Variants in MAPK10 observed in about 807,000 individuals in gnomAD.
MAPK10 encodes mitogen-activated protein kinase 10.
In MAPK10, 25 loss-of-function variants were observed where a neutral mutation model predicts 59.3. That is an observed-to-expected ratio of 0.42 (90% CI 0.31 to 0.59). The LOEUF (loss-of-function observed/expected upper bound fraction) is 0.59, where lower values mean the gene tolerates loss of function less well. MAPK10 is among the 20% of genes least tolerant of loss of function. MAPK10 has a pLI of 0.15. For missense variants in MAPK10, 351 were observed against 568.9 expected, an observed-to-expected ratio of 0.62 and a Z score of 3.90; for synonymous variants, 190 against 200.5, an observed-to-expected ratio of 0.95 and a Z score of 0.44.
At chr4:86,230,907 T>A (rs1326141465) in intron 2 of MAPK10, among the ~76,000 whole-genome samples, 2 of 152,172 alleles carry the variant, frequency 1.3e-5, no homozygotes, top group Non-Finnish European at 2.9e-5. Flanking sequence ...TCTGCTTAGA[T>A]AGGAGGGGCA....
intron 4 of MAPK10, among the ~76,000 whole-genome samples, chr4:86,142,763 A>T (rs1298944927): frequency 6.6e-6 from 1 of 152,166 alleles, no homozygotes; most frequent in Non-Finnish European, 1.5e-5. Context: ...CAGAAATGGA[A>T]GATTTGCTAT....
intron 5 of MAPK10, 25 bp downstream of exon 5, chr4:86,107,198 G>A (rs201211083): frequency 1.2e-5 from 19 of 1,593,494 alleles, no homozygotes; most frequent in Non-Finnish European, 1.6e-5. Flanking sequence ...CCCACTGCCA[G>A]AAGTTTAAAA....
intron 11 of MAPK10, among the ~76,000 whole-genome samples, chr4:86,055,081 C>A (rs1246492724): frequency 6.6e-6 from 1 of 152,176 alleles, no homozygotes; most frequent in Non-Finnish European, 1.5e-5. Flanking sequence ...TGTTTTTCTA[C>A]TTCCAGGAAA....
intron 1 of MAPK10, among the ~76,000 whole-genome samples, chr4:86,414,572 A>G (rs1745620925): frequency 1.3e-5 from 2 of 152,212 alleles, no homozygotes; most frequent in Admixed American, 1.3e-4. Context: ...GACTTCATAT[A>G]TTGATCAAAT....
At chr4:86,233,820 G>T (rs2091911313) in intron 2 of MAPK10, among the ~76,000 whole-genome samples, 1 of 152,162 alleles carries the variant, frequency 6.6e-6, no homozygotes, top group Non-Finnish European at 1.5e-5. Flanking sequence ...CAATCTTTGT[G>T]GTAGTCATTA....
At chr4:86,208,631 T>C (rs2084871971) in intron 2 of MAPK10, among the ~76,000 whole-genome samples, 1 of 151,872 alleles carries the variant, frequency 6.6e-6, no homozygotes, top group Admixed American at 6.6e-5. Context: ...ACAGCCAATA[T>C]CATACTGAAT....
chr4:86,222,493 G>C (rs1334555096), intron 2 of MAPK10, among the ~76,000 whole-genome samples: 3 of 152,146 alleles, frequency 2.0e-5, no homozygotes, highest in Non-Finnish European at 2.9e-5. Context: ...TTAACTTGGG[G>C]CATCGCCTTA....
intron 2 of MAPK10, among the ~76,000 whole-genome samples, chr4:86,264,976 C>T (rs747601990): frequency 6.7e-5 from 10 of 148,330 alleles, no homozygotes; most frequent in Non-Finnish European, 1.5e-4. Flanking sequence ...ACTGCAACCT[C>T]CGCCTCCCGG....
At chr4:86,180,169 A>G (rs566766779) in intron 3 of MAPK10, among the ~76,000 whole-genome samples, 2 of 152,244 alleles carry the variant, frequency 1.3e-5, no homozygotes, top group Non-Finnish European at 2.9e-5. Flanking sequence ...AAATAAACAA[A>G]TGATCTGAAC....
chr4:86,084,578 A>G (rs1194828829), intron 9 of MAPK10, among the ~76,000 whole-genome samples: 1 of 152,194 alleles, frequency 6.6e-6, no homozygotes, highest in Non-Finnish European at 1.5e-5. Context: ...AAAACTATAA[A>G]ACACTGATAA....
At chr4:86,018,679 C>A (rs1744662583) in intron 13 of MAPK10, among the ~76,000 whole-genome samples, 1 of 152,290 alleles carries the variant, frequency 6.6e-6, no homozygotes, top group African/African-American at 2.4e-5. Context: ...TTTGTATATT[C>A]TTTATACCTA....
At chr4:86,153,574 CAT>C (rs1415319770) in intron 4 of MAPK10, among the ~76,000 whole-genome samples, 1 of 152,124 alleles carries the variant, frequency 6.6e-6, no homozygotes, top group Non-Finnish European at 1.5e-5. Flanking sequence ...ATGGTTGACA[CAT>C]AGAAATGTGG....
intron 2 of MAPK10, among the ~76,000 whole-genome samples, chr4:86,265,423 C>T (rs758482360): frequency 6.6e-6 from 1 of 151,410 alleles, no homozygotes; most frequent in South Asian, 2.1e-4. Flanking sequence ...GCAGGAAAAT[C>T]GCTTAAACCT....
At chr4:86,035,494 T>C (rs1048520554) in intron 11 of MAPK10, among the ~76,000 whole-genome samples, 9 of 147,504 alleles carry the variant, frequency 6.1e-5, no homozygotes, top group Non-Finnish European at 1.2e-4. Context: ...TGAAGAAAGA[T>C]GTAACTGTAA....
intron 13 of MAPK10, chr4:86,027,168 GACTT>G (rs1258107101): frequency 6.6e-6 from 1 of 152,072 alleles, no homozygotes; most frequent in East Asian, 1.9e-4. Flanking sequence ...CATACTACAT[GACTT>G]ATAACTAAGT....
chr4:86,316,435 A>G (rs543307603), intron 2 of MAPK10, among the ~76,000 whole-genome samples: 1 of 152,330 alleles, frequency 6.6e-6, no homozygotes, highest in East Asian at 1.9e-4. Flanking sequence ...AATAATATCT[A>G]TGTACAAATT....
rs540008527 is a variant in MAPK10 at position 86,489,012 on chromosome 4, C to T, written c.-263+104898G>A. Among the ~76,000 whole-genome samples, 60 of 152,248 alleles carry T rather than the reference C, an allele frequency of 3.9e-4. 1 individual carries two copies. In the South Asian group the frequency reaches 0.012, roughly 32 times the overall value. ...CTTGCTGCACCTGGAAACTTGAAAC[C>T]AGCACTTTTCAGTCCAGTGTTAATG... On this transcript the variant is annotated intron_variant, in intron 1 of 4. Transcript: ENST00000502302.
At position 86,511,670 on chromosome 4, in the gene MAPK10, GGAA is replaced by G. The variant is rs887300627; in HGVS notation, c.-263+82237_-263+82239del. 3.0e-4 allele frequency among the ~76,000 whole-genome samples: 45 copies of G among 148,620 alleles called. 1 individual carries two copies. The highest frequency in any genetic ancestry group is 8.9e-5 in the Non-Finnish European group (6 of 67,296). On this transcript the variant is annotated intron_variant, in intron 1 of 4. Transcript: ENST00000502302. ...TACAGAAGGAGGAGGAGGAGGAAGA[GGAA>G]GAAGAAGAAGAACAGGAAGAAGAAG... is the stretch of plus-strand genomic sequence containing the variant.
intron 1 of MAPK10, among the ~76,000 whole-genome samples, chr4:86,452,122 T>G (rs143542561): frequency 9.2e-5 from 14 of 152,094 alleles, no homozygotes; most frequent in African/African-American, 3.4e-4. Context: ...GGCTCCAGAG[T>G]CTGCACACTC....
Sources: gnomAD v4.1 joint callset for allele counts (sites outside exome capture counted in the v4.1 genomes callset) on GRCh38, gnomAD v4.1.1 for gene constraint, MANE v1.5 for transcripts, NCBI Gene and HGNC (gene_info 2026-07-23, HGNC 2026-07-21) for gene names.